Variants in PMS2 observed in about 807,000 individuals in gnomAD.
The protein encoded by PMS2 is PMS1 homolog 2, mismatch repair system component, also known as mismatch repair endonuclease PMS2.
A neutral mutation model predicts 90.0 loss-of-function variants in PMS2; 69 were observed. The observed-to-expected ratio is 0.77, with a 90% CI of 0.63 to 0.94. The LOEUF is 0.94. Ranked by LOEUF, PMS2 falls within the 40% of genes least tolerant of loss-of-function variation. The pLI, the probability that PMS2 is intolerant of heterozygous loss-of-function variation, is 0.00. For missense variants in PMS2, 966 were observed against 1,040.2 expected (o/e 0.93, Z 0.98); for synonymous variants, 332 against 375.1 (o/e 0.89, Z 1.33).
intron 9 of PMS2, among the ~76,000 whole-genome samples, chr7:5,990,613 GTAGGT>G (rs1358798480): frequency 6.6e-6 from 1 of 152,106 alleles, no homozygotes; most frequent in Non-Finnish European, 1.5e-5. Flanking sequence ...TACATTATAG[GTAGGT>G]GTGTAAATTG....
chr7:5,999,337 T>C, intron 5 of PMS2, 62 bp from the exon 6 acceptor site: 1 of 1,443,140 alleles, frequency 6.9e-7, no homozygotes, highest in South Asian at 1.1e-5. Context: ...ATTACACAGC[T>C]CAAGTTACAA....
chr7:5,999,573 T>C (rs977724048), intron 5 of PMS2, among the ~76,000 whole-genome samples: 1 of 152,002 alleles, frequency 6.6e-6, no homozygotes, highest in Non-Finnish European at 1.5e-5. Context: ...GGAGGATCAC[T>C]TGAGACCAGG....
At chr7:5,990,964 G>C (rs931079592) in intron 9 of PMS2, among the ~76,000 whole-genome samples, 1 of 152,078 alleles carries the variant, frequency 6.6e-6, no homozygotes, top group African/African-American at 2.4e-5. Context: ...ACAGTGAGCT[G>C]ATATTACACC....
chr7:5,999,277 T>C lies in PMS2; in HGVS notation c.538-2A>G, dbSNP rs758304323. The C allele has an allele frequency of 1.9e-6, 3 of 1,613,086 alleles. No individual in the cohort carries two copies. In the Admixed American group the frequency reaches 5.0e-5, roughly 27 times the overall value. On this transcript the variant is annotated splice_acceptor_variant, in intron 5 of 14. Coordinates refer to ENST00000265849, the MANE Select transcript of PMS2 (RefSeq NM_000535.7). LOFTEE classifies it high-confidence loss of function. ...GACCTGGACCATTTTGGCATACTCC[T>C]GTTTAAAAAACACAAACACAATATT...
intron 6 of PMS2, among the ~76,000 whole-genome samples, chr7:5,997,707 C>A (rs372219550): frequency 6.6e-6 from 1 of 152,132 alleles, no homozygotes; most frequent in Middle Eastern, 3.4e-3. Context: ...CACCACCACA[C>A]CTGGCTAATT....
intron 14 of PMS2, among the ~76,000 whole-genome samples, chr7:5,976,118 C>A (rs1254112303): frequency 4.9e-5 from 7 of 142,246 alleles, no homozygotes; most frequent in South Asian, 2.4e-4. Context: ...TGCCTGTAGT[C>A]CCAGCTACTT....
At chr7:5,999,848 T>C (rs1435222043) in intron 5 of PMS2, among the ~76,000 whole-genome samples, 3 of 152,068 alleles carry the variant, frequency 2.0e-5, no homozygotes, top group African/African-American at 7.2e-5. Context: ...TTTTATAATC[T>C]CTCCTTTTGA....
intron 8 of PMS2, among the ~76,000 whole-genome samples, chr7:5,992,605 C>T (rs938963575): frequency 1.3e-5 from 2 of 152,180 alleles, no homozygotes; most frequent in Non-Finnish European, 2.9e-5. Context: ...TAGGCGTAAG[C>T]CACTACACCT....
intron 8 of PMS2, among the ~76,000 whole-genome samples, chr7:5,994,078 T>C (rs1377265999): frequency 2.0e-5 from 3 of 151,698 alleles, no homozygotes; most frequent in Non-Finnish European, 4.4e-5. Flanking sequence ...CTCACGTATA[T>C]GCAATTTAAA....
intron 8 of PMS2, among the ~76,000 whole-genome samples, chr7:5,993,244 G>A (rs1783960332): frequency 1.3e-5 from 2 of 151,992 alleles, no homozygotes; most frequent in South Asian, 4.2e-4. Flanking sequence ...GGCAGCATGT[G>A]CCTATAATCC....
chr7:5,997,076 T>C (rs1784486567), intron 7 of PMS2, among the ~76,000 whole-genome samples: 1 of 151,820 alleles, frequency 6.6e-6, no homozygotes, highest in South Asian at 2.1e-4. Context: ...TAGCCGGGTG[T>C]GGTGGCACGT....
Position 5,978,999 on chromosome 7 carries a change from G to A in PMS2, c.2175-303C>T, listed in dbSNP as rs369279161. ...CTCTTGAGGCCAGGAGTTTGAGACC[G>A]GCCTGGTCAACACAGCGAAACACTC... On this transcript the variant is annotated intron_variant, in intron 12 of 14. Transcript: ENST00000265849. Among the ~76,000 whole-genome samples, 33 of 148,236 alleles carry A rather than the reference G, an allele frequency of 2.2e-4. 1 individual carries two copies. The highest frequency in any genetic ancestry group is 2.1e-4 in the South Asian group (1 of 4,696).
rs1437858319 is a variant in PMS2 at position 5,989,824 on chromosome 7, G to A, written c.1120C>T (p.Gln374Ter). Residue 374 changes from glutamine to a stop codon, truncating the protein, a stop_gained, in exon 10 of 15, where the codon CAG becomes TAG. Coordinates refer to ENST00000265849, the MANE Select transcript of PMS2 (RefSeq NM_000535.7). LOFTEE classifies it high-confidence loss of function. Reference sequence around the variant, plus strand: ...CCTTCAACATCCAGCAGTGGCTGCTGACTGACATTTAGCTTGTTGACATCA... The same window carrying A: ...CCTTCAACATCCAGCAGTGGCTGCTAACTGACATTTAGCTTGTTGACATCA... ...DSDVNKLNVSQQPLLDVEGNL... is the reference protein window; with the variant it reads ...DSDVNKLNVS The A allele has an allele frequency of 6.2e-7, 1 of 1,612,976 alleles. No individual in the cohort carries two copies. Among genetic ancestry groups the A allele is most frequent in the Non-Finnish European group, 8.5e-7 (1 of 1,179,158 alleles).
At chr7:5,988,331 C>T (rs1783309462) in intron 10 of PMS2, among the ~76,000 whole-genome samples, 1 of 151,952 alleles carries the variant, frequency 6.6e-6, no homozygotes, top group Admixed American at 6.6e-5. Flanking sequence ...GTAATCCTAG[C>T]CCTTTGAGGT....
intron 5 of PMS2, among the ~76,000 whole-genome samples, chr7:6,001,372 T>TC (rs1785068193): frequency 1.4e-5 from 1 of 73,876 alleles, no homozygotes; most frequent in Non-Finnish European, 2.6e-5. Flanking sequence ...AGAGAAATAT[T>TC]CTTTTTTTTT....
At chr7:6,002,825 A>T (rs1049915290) in intron 4 of PMS2, among the ~76,000 whole-genome samples, 189 bp from the exon 5 acceptor site, 1 of 152,248 alleles carries the variant, frequency 6.6e-6, no homozygotes, top group African/African-American at 2.4e-5. Flanking sequence ...AAAGACAGTG[A>T]GACAGAGAGC....
intron 1 of PMS2, among the ~76,000 whole-genome samples, chr7:6,008,669 T>G (rs1786169641): frequency 6.6e-6 from 1 of 152,172 alleles, no homozygotes; most frequent in South Asian, 2.1e-4. Flanking sequence ...GCATTCAGTC[T>G]ATGGGGATTT....
intron 1 of PMS2, among the ~76,000 whole-genome samples, chr7:6,006,660 A>G (rs1426051099): frequency 1.3e-5 from 2 of 152,104 alleles, no homozygotes; most frequent in Admixed American, 6.6e-5. Flanking sequence ...TGAAAGTAAC[A>G]TAATTTCCCA....
chr7:5,988,604 C>T (rs956954898), intron 10 of PMS2, among the ~76,000 whole-genome samples: 5 of 152,068 alleles, frequency 3.3e-5, no homozygotes, highest in South Asian at 2.1e-4. Flanking sequence ...GTCAAAAAGA[C>T]GTGGATGAGG....
Sources: allele counts gnomAD v4.1 joint callset (sites outside exome capture counted in the v4.1 genomes callset), GRCh38; gene constraint gnomAD v4.1.1; transcripts MANE v1.5; gene names NCBI Gene and HGNC (gene_info 2026-07-23, HGNC 2026-07-21).